The following CD109 variants were observed in gnomAD, a reference collection of about 807,000 sequenced individuals.
CD109 encodes CD109 molecule.
CD109 carries 149 observed loss-of-function variants against 165.8 expected under a neutral mutation model. That is an observed-to-expected ratio of 0.90 (90% CI 0.79 to 1.03). The LOEUF (loss-of-function observed/expected upper bound fraction) is 1.03. Among genes scored for constraint, CD109 ranks in the 50% least tolerant of loss-of-function variants. CD109 has a pLI of 0.00. For synonymous variants in CD109, 585 were observed against 592.1 expected, an observed-to-expected ratio of 0.99 and a Z score of 0.18; for missense variants, 1,712 against 1,677.8, an observed-to-expected ratio of 1.02 and a Z score of -0.36.
chr6:73,796,403 C>G (rs1462611633), intron 23 of CD109, among the ~76,000 whole-genome samples: 1 of 152,158 alleles, frequency 6.6e-6, no homozygotes, highest in East Asian at 1.9e-4. Context: ...TGCTTTCTCC[C>G]TAGGTCTTTC....
intron 3 of CD109, 127 bp from the exon 4 acceptor site, chr6:73,730,217 C>A: frequency 1.5e-6 from 1 of 645,768 alleles, no homozygotes; most frequent in Non-Finnish European, 2.7e-6. Flanking sequence ...CTGGGAGGGG[C>A]AAATTTTCAA....
chr6:73,798,004 G>A (rs1168898228), intron 23 of CD109, among the ~76,000 whole-genome samples: 1 of 151,936 alleles, frequency 6.6e-6, no homozygotes, highest in Non-Finnish European at 1.5e-5. Flanking sequence ...CTATGTTTTT[G>A]CTTTTCTCGT....
At chr6:73,696,526 G>A (rs186230610) in intron 1 of CD109, among the ~76,000 whole-genome samples, 147 of 152,314 alleles carry the variant, frequency 9.7e-4, no homozygotes, top group African/African-American at 3.4e-3. Context: ...GCGTCTCCCC[G>A]GCCATAACAA....
chr6:73,791,703 C>G (rs1188010890), intron 22 of CD109, among the ~76,000 whole-genome samples: 3 of 152,126 alleles, frequency 2.0e-5, no homozygotes, highest in Non-Finnish European at 2.9e-5. Context: ...CTTTGATAGT[C>G]TATGTTCACT....
chr6:73,685,358 T>C, the CD109 span, among the ~76,000 whole-genome samples: 4 of 152,180 alleles, frequency 2.6e-5, no homozygotes, highest in Admixed American at 6.5e-5. Context: ...GATTTTTTTT[T>C]CCAGAAGCTT....
intron 5 of CD109, among the ~76,000 whole-genome samples, chr6:73,738,554 C>A (rs956213668): frequency 6.6e-6 from 1 of 152,170 alleles, no homozygotes; most frequent in African/African-American, 2.4e-5. Context: ...GGAGACTTTG[C>A]AGAAGATGTG....
In CD109 at chr6:73,785,454, A is replaced by T; in HGVS notation, c.2314A>T (p.Asn772Tyr). The T allele has an allele frequency of 6.3e-7, 1 of 1,580,494 alleles. No homozygotes were observed. Residue 772 changes from asparagine (N) to tyrosine (Y), a missense_variant, in exon 20 of 33, where the codon AAT (asparagine) becomes TAT (tyrosine). Coordinates refer to ENST00000287097, the MANE Select transcript of CD109 (RefSeq NM_133493.5). ...ATTTGCTTTGGAAATAACTATATTC[A>T]ATTATTTGAAAGATGCCACTGAGGT... ...EEFALEITIFNYLKDATEVKV... is the reference protein window; with the variant it reads ...EEFALEITIFYYLKDATEVKV...
At chr6:73,726,260 C>T (rs1166531322) in intron 3 of CD109, among the ~76,000 whole-genome samples, 1 of 152,066 alleles carries the variant, frequency 6.6e-6, no homozygotes, top group African/African-American at 2.4e-5. Context: ...TTCTGATTTA[C>T]TCATTGTACT....
chr6:73,736,970 A>G (rs1420322151), intron 5 of CD109, among the ~76,000 whole-genome samples: 1 of 152,166 alleles, frequency 6.6e-6, no homozygotes, highest in Non-Finnish European at 1.5e-5. Flanking sequence ...TAGCTTCTAC[A>G]CCTATTGCCT....
intron 2 of CD109, among the ~76,000 whole-genome samples, chr6:73,715,426 A>G (rs1771699567): frequency 6.6e-6 from 1 of 150,808 alleles, no homozygotes; most frequent in Non-Finnish European, 1.5e-5. Flanking sequence ...TTAGCCAGGC[A>G]TGGTGGCCTG....
At chr6:73,684,298 C>T in the CD109 span, among the ~76,000 whole-genome samples, 15 of 150,002 alleles carry the variant, frequency 1.0e-4, no homozygotes, top group African/African-American at 3.7e-4. Flanking sequence ...TGGCTCATTG[C>T]AAGCTTGGCT....
In CD109 at chr6:73,697,491, G is replaced by C. The variant is rs1376453069; in HGVS notation, c.166G>C (p.Val56Leu). The C allele has an allele frequency of 6.2e-7, 1 of 1,612,164 alleles. No homozygotes were observed. Among genetic ancestry groups the C allele is most frequent in the Non-Finnish European group, 8.5e-7 (1 of 1,178,302 alleles). Residue 56 changes from valine to leucine, a missense_variant, in exon 2 of 33, where the codon GTG (valine) becomes CTG (leucine). Physicochemically the swap from Val to Leu is conservative, Grantham distance 32. Coordinates refer to ENST00000287097, the MANE Select transcript of CD109 (RefSeq NM_133493.5). ...VELLEHCPSQ[V>L]TVKAELLKTA... ...GCTTCTGGAACACTGCCCTTCACAG[G>C]TGACTGTGAAGGCGGAGCTGCTCAA...
chr6:73,737,338 T>C (rs1030880978), intron 5 of CD109, among the ~76,000 whole-genome samples: 7 of 152,228 alleles, frequency 4.6e-5, no homozygotes, highest in African/African-American at 1.7e-4. Context: ...AATTGACCTG[T>C]ATGAATGAGA....
chr6:73,688,243 A>AT, the CD109 span, among the ~76,000 whole-genome samples: 1 of 152,156 alleles, frequency 6.6e-6, no homozygotes, highest in Non-Finnish European at 1.5e-5. Context: ...CTGTTGTGCA[A>AT]TAAAAAATAC....
chr6:73,693,369 C>G (rs989014508), upstream of CD109, among the ~76,000 whole-genome samples: 1 of 152,098 alleles, frequency 6.6e-6, no homozygotes, highest in Non-Finnish European at 1.5e-5. Flanking sequence ...GAACTGAGTA[C>G]TCACTCACCC....
chr6:73,723,196 C>G (rs1179853381), intron 2 of CD109, 55 bp from the exon 3 acceptor site: 15 of 1,609,732 alleles, frequency 9.3e-6, no homozygotes, highest in Middle Eastern at 1.6e-4. Flanking sequence ...GGTTTGTATT[C>G]TATCATCATA....
Position 73,792,819 on chromosome 6 carries a change from C to T in CD109, c.2878+17C>T, listed in dbSNP as rs1433057676. ...TGAGGCAAGGTAAGCATTTTAGAGA[C>T]CTACATTTGTTCGTAGAAAAAAATT... is the stretch of plus-strand genomic sequence containing the variant. On this transcript the variant is annotated intron_variant, in intron 23 of 32. Coordinates refer to ENST00000287097, the MANE Select transcript of CD109 (RefSeq NM_133493.5). 2.5e-6 allele frequency: 4 copies of T among 1,584,038 alleles called. No individual in the cohort carries two copies.
At chr6:73,791,208 T>C (rs1156608251) in intron 22 of CD109, among the ~76,000 whole-genome samples, 65 of 98,522 alleles carry the variant, frequency 6.6e-4, no homozygotes, top group Admixed American at 7.0e-4. Flanking sequence ...TATATATATA[T>C]ATATATATAT....
rs375441069 is a variant in CD109, at chr6:73,719,409, A to G, written c.248-3842A>G. On this transcript the variant is annotated intron_variant, in intron 2 of 32. Coordinates refer to ENST00000287097, the MANE Select transcript of CD109 (RefSeq NM_133493.5). ...TATTTTTGTGATAGTTGTGAATTCC[A>G]TGATAGTTTTTGAATTCCACGATTC... Among the ~76,000 whole-genome samples, 139 of 152,288 alleles carry G rather than the reference A, an allele frequency of 9.1e-4. 2 individuals carry two copies. In the South Asian group the frequency reaches 0.026, roughly 29 times the overall value.
Sources: allele counts gnomAD v4.1 joint callset (sites outside exome capture counted in the v4.1 genomes callset), GRCh38; gene constraint gnomAD v4.1.1; transcripts MANE v1.5; gene names NCBI Gene and HGNC (gene_info 2026-07-23, HGNC 2026-07-21).